Variants in RHOJ observed in about 807,000 individuals in gnomAD.
The protein encoded by RHOJ is rho-related GTP-binding protein RhoJ.
In RHOJ, 11 loss-of-function variants were observed where a neutral mutation model predicts 23.4. The observed-to-expected ratio is 0.47, with a 90% CI of 0.30 to 0.78. RHOJ has a LOEUF of 0.78. RHOJ is among the 30% of genes least tolerant of loss of function. RHOJ has a pLI of 0.08. For missense variants in RHOJ, 254 were observed against 273.4 expected (o/e 0.93, Z 0.50); for synonymous variants, 102 against 102.7 (o/e 0.99, Z 0.04).
At chr14:63,224,275 G>C (rs532590062) in intron 1 of RHOJ, among the ~76,000 whole-genome samples, 2 of 152,328 alleles carry the variant, frequency 1.3e-5, no homozygotes, top group South Asian at 4.1e-4. Flanking sequence ...TAAGAATGTA[G>C]TTAATCTTTA....
At position 63,224,627 on chromosome 14, in the gene RHOJ, C is replaced by T. The variant is rs79563743; in HGVS notation, c.178+19580C>T. Reference sequence around the variant, plus strand: ...GTAATTGTACTGTTCACTGTTGATACTATACCTAAAACAATGTATTGTCTA... The same window carrying T: ...GTAATTGTACTGTTCACTGTTGATATTATACCTAAAACAATGTATTGTCTA... On this transcript the variant is annotated intron_variant, in intron 1 of 4. Transcript: ENST00000316754. Among the ~76,000 whole-genome samples, 438 of 152,276 alleles carry T rather than the reference C, an allele frequency of 2.9e-3. 12 individuals carry two copies. In the East Asian group the frequency reaches 0.063, roughly 22 times the overall value.
At chr14:63,205,573 T>G (rs1894092450) in intron 1 of RHOJ, among the ~76,000 whole-genome samples, 1 of 152,240 alleles carries the variant, frequency 6.6e-6, no homozygotes, top group Non-Finnish European at 1.5e-5. Flanking sequence ...TTCCTGAGGT[T>G]GTAGATTGGG....
intron 1 of RHOJ, among the ~76,000 whole-genome samples, chr14:63,258,820 G>A (rs949417718): frequency 2.6e-5 from 4 of 152,218 alleles, no homozygotes; most frequent in Non-Finnish European, 5.9e-5. Context: ...TTATCTTTCA[G>A]GTGAGATCAG....
At chr14:63,239,089 G>GA (rs1894839995) in intron 1 of RHOJ, among the ~76,000 whole-genome samples, 1 of 151,552 alleles carries the variant, frequency 6.6e-6, no homozygotes, top group South Asian at 2.1e-4. Flanking sequence ...CCAACTCATG[G>GA]TTTTTTTTCT....
chr14:63,228,189 T>C (rs966833748), intron 1 of RHOJ, among the ~76,000 whole-genome samples: 1 of 152,240 alleles, frequency 6.6e-6, no homozygotes, highest in African/African-American at 2.4e-5. Context: ...AAATAAAATA[T>C]ATGTACACTT....
At chr14:63,216,649 T>G (rs1411399567) in intron 1 of RHOJ, among the ~76,000 whole-genome samples, 1 of 152,210 alleles carries the variant, frequency 6.6e-6, no homozygotes, top group African/African-American at 2.4e-5. Flanking sequence ...TAAAATGAAT[T>G]TCAAATGACA....
At chr14:63,229,011 G>A (rs999256441) in intron 1 of RHOJ, among the ~76,000 whole-genome samples, 1 of 152,108 alleles carries the variant, frequency 6.6e-6, no homozygotes, top group Non-Finnish European at 1.5e-5. Flanking sequence ...ATTTACTGAG[G>A]TGTCTCTTCC....
chr14:63,257,073 A>G (rs1355453155), intron 1 of RHOJ, among the ~76,000 whole-genome samples: 2 of 146,106 alleles, frequency 1.4e-5, no homozygotes, highest in East Asian at 4.3e-4. Context: ...CTCTGTCCCA[A>G]AAAAAAAAGA....
intron 1 of RHOJ, among the ~76,000 whole-genome samples, chr14:63,227,479 G>A (rs765346177): frequency 7.2e-5 from 11 of 151,956 alleles, no homozygotes; most frequent in Non-Finnish European, 1.6e-4. Context: ...TATATATTTA[G>A]CACAATCTTA....
intron 1 of RHOJ, among the ~76,000 whole-genome samples, chr14:63,252,067 C>T (rs920358267): frequency 1.3e-5 from 2 of 152,126 alleles, no homozygotes; most frequent in African/African-American, 4.8e-5. Flanking sequence ...GCCTGGGCAA[C>T]AGAGAGAAAC....
At chr14:63,221,870 A>G (rs1383070354) in intron 1 of RHOJ, among the ~76,000 whole-genome samples, 3 of 152,046 alleles carry the variant, frequency 2.0e-5, no homozygotes, top group East Asian at 1.9e-4. Context: ...CATGCGCACA[A>G]CGTGCAGGTT....
At chr14:63,287,044 G>C (rs769283101) in intron 4 of RHOJ, among the ~76,000 whole-genome samples, 6 of 152,150 alleles carry the variant, frequency 3.9e-5, no homozygotes, top group Non-Finnish European at 5.9e-5. Context: ...CTTTAGATAC[G>C]AGCTTACTCT....
In RHOJ at chr14:63,290,958, C is replaced by A. The variant is rs1319124680; in HGVS notation, c.579C>A (p.Thr193=). The A allele has an allele frequency of 1.9e-6, 3 of 1,613,998 alleles. No individual in the cohort carries two copies. The highest frequency in any genetic ancestry group is 2.2e-5 in the South Asian group (2 of 91,080). The change falls in exon 5 of 5, where the codon ACC becomes ACA. Residue 193 remains threonine (T), a synonymous_variant. Transcript: ENST00000316754. ...LKAVFDEAIL[T]IFHPKKKKKR... is the part of the protein sequence containing the mutation. ...CGGTTTTTGATGAAGCAATCCTCAC[C>A]ATTTTCCACCCCAAGAAAAAGAAGA... is the stretch of plus-strand genomic sequence containing the variant.
At chr14:63,234,524 C>T (rs1298013700) in intron 1 of RHOJ, among the ~76,000 whole-genome samples, 1 of 152,094 alleles carries the variant, frequency 6.6e-6, no homozygotes, top group Non-Finnish European at 1.5e-5. Context: ...GTATAAAAGA[C>T]CTGATATAAA....
At chr14:63,250,028 A>G (rs1011910247) in intron 1 of RHOJ, among the ~76,000 whole-genome samples, 2 of 152,224 alleles carry the variant, frequency 1.3e-5, no homozygotes, top group African/African-American at 4.8e-5. Context: ...AATGTTCTCC[A>G]CATGGACAGC....
intron 1 of RHOJ, among the ~76,000 whole-genome samples, chr14:63,210,617 G>A (rs184317267): frequency 2.6e-5 from 4 of 152,248 alleles, no homozygotes; most frequent in East Asian, 1.9e-4. Context: ...AGCTTACCAT[G>A]GAAGAATTGC....
At chr14:63,219,904 A>G (rs1217785429) in intron 1 of RHOJ, among the ~76,000 whole-genome samples, 1 of 152,170 alleles carries the variant, frequency 6.6e-6, no homozygotes, top group Non-Finnish European at 1.5e-5. Flanking sequence ...GCATCTCTCT[A>G]AGAGAAAGGC....
chr14:63,269,694 C>A (rs989211842), intron 2 of RHOJ, among the ~76,000 whole-genome samples: 2 of 152,120 alleles, frequency 1.3e-5, no homozygotes, highest in Admixed American at 6.5e-5. Flanking sequence ...TGAGAGTCAA[C>A]CCTGAATAAC....
chr14:63,225,067 T>C (rs905684312), intron 1 of RHOJ, among the ~76,000 whole-genome samples: 2 of 150,638 alleles, frequency 1.3e-5, no homozygotes, highest in Non-Finnish European at 2.9e-5. Context: ...TTCTCCTGCC[T>C]CAGCCTCCCG....
Sources: gnomAD v4.1 joint callset for allele counts (sites outside exome capture counted in the v4.1 genomes callset) on GRCh38, gnomAD v4.1.1 for gene constraint, MANE v1.5 for transcripts, NCBI Gene and HGNC (gene_info 2026-07-23, HGNC 2026-07-21) for gene names.